The following CDKL5 variants were observed in gnomAD, a reference collection of about 807,000 sequenced individuals.
CDKL5 encodes the protein cyclin-dependent kinase-like 5.
In CDKL5, 8 loss-of-function variants were observed where a neutral mutation model predicts 61.7. That is an observed-to-expected ratio of 0.13 (90% CI 0.08 to 0.23). The LOEUF is 0.23. Ranked by LOEUF, CDKL5 falls within the 10% of genes least tolerant of loss-of-function variation. CDKL5 has a pLI of 1.00. For synonymous variants in CDKL5, 275 were observed against 272.3 expected (o/e 1.01, Z -0.10); for missense variants, 440 against 734.5 (o/e 0.60, Z 4.63).
In CDKL5 at chrX:18,628,718, A is replaced by G; in HGVS notation, c.2844A>G (p.Arg948=). The G allele has an allele frequency of 8.6e-7, 1 of 1,164,651 alleles. No individual in the cohort carries two copies. Among genetic ancestry groups the G allele is most frequent in the Non-Finnish European group, 1.1e-6 (1 of 874,701 alleles). Residue 948 remains arginine (R), a synonymous_variant, in exon 18 of 18, where the codon CGA becomes CGG. Transcript: ENST00000623535. ...CCTATAACAGAACAAATCGCTCACG[A>G]ATGCCAAATCTGAATGATTTAAAAG... ...GHPYNRTNRS[R]MPNLNDLKET...
chrX:18,546,046 A>G (rs541009927), intron 3 of CDKL5, among the ~76,000 whole-genome samples: 2 of 110,780 alleles, frequency 1.8e-5, no homozygotes, highest in South Asian at 3.8e-4. Context: ...ATCAGTGATT[A>G]CAGAGTGACC....
chrX:18,608,288 T>A (rs1000280093), intron 12 of CDKL5, among the ~76,000 whole-genome samples: 4 of 112,186 alleles, frequency 3.6e-5, no homozygotes, highest in African/African-American at 9.7e-5. Flanking sequence ...TAAACTATAG[T>A]AGTTAAGAGG....
At chrX:18,550,319 T>G (rs1277880961) in intron 3 of CDKL5, among the ~76,000 whole-genome samples, 1 of 111,067 alleles carries the variant, frequency 9.0e-6, no homozygotes, top group Non-Finnish European at 1.9e-5. Context: ...CTTACTACGG[T>G]GAAGTTCTGT....
In CDKL5 at chrX:18,497,961, G is replaced by A. The variant is rs763266587; in HGVS notation, c.-162-8974G>A. ...GCCTCCCAAGTAGCTGGGACTAGAG[G>A]TGTTCGCCACCAACGCCCAGCTAAT... On this transcript the variant is annotated intron_variant, in intron 1 of 17. Coordinates refer to ENST00000623535, the MANE Select transcript of CDKL5 (RefSeq NM_001323289.2). Among the ~76,000 whole-genome samples the A allele has an allele frequency of 2.2e-4, 24 of 107,627 alleles. 1 individual carries two copies. The East Asian group carries it at 7.1e-3, about 32-fold the overall frequency. 93.5% of individuals were successfully genotyped at this position (107,627 alleles called of 115,157 possible). A position where few individuals can be genotyped will look rare whatever the true frequency, so the allele number is the denominator to read the frequency against.
At chrX:18,445,721 G>A (rs746605657) in intron 1 of CDKL5, among the ~76,000 whole-genome samples, 1 of 111,510 alleles carries the variant, frequency 9.0e-6, no homozygotes, top group South Asian at 3.8e-4. Flanking sequence ...CTGCTGCCTT[G>A]TGGAGAAGGT....
intron 1 of CDKL5, among the ~76,000 whole-genome samples, chrX:18,487,776 C>G (rs1015448242): frequency 1.8e-5 from 2 of 112,117 alleles, no homozygotes; most frequent in Admixed American, 9.4e-5. Context: ...ATTAGCTGGG[C>G]GTGATGGCGT....
chrX:18,455,608 G>A (rs1269225372), intron 1 of CDKL5, among the ~76,000 whole-genome samples: 1 of 112,846 alleles, frequency 8.9e-6, no homozygotes, highest in Non-Finnish European at 1.9e-5. Context: ...CCTGCTGGAG[G>A]CCAGTATGGC....
intron 21 of CDKL5, among the ~76,000 whole-genome samples, chrX:18,651,637 G>A (rs750336527): frequency 1.3e-3 from 140 of 111,338 alleles, no homozygotes; most frequent in South Asian, 2.3e-3. Context: ...GCCTGCCCTC[G>A]CAAGCTCGTG....
At chrX:18,551,713 G>T (rs1924397012) in intron 3 of CDKL5, among the ~76,000 whole-genome samples, 1 of 106,532 alleles carries the variant, frequency 9.4e-6, no homozygotes. Context: ...AGCCTCCCAG[G>T]TAGCTGGGAC....
At chrX:18,641,677 C>G (rs1569228432), downstream of CDKL5, 1 of 273,467 alleles carries the variant, frequency 3.7e-6, no homozygotes, top group Non-Finnish European at 6.5e-6. Flanking sequence ...GCTTTGTGTT[C>G]CCCTGAGACT....
intron 9 of CDKL5, 98 bp downstream of exon 9, chrX:18,588,241 ATTTC>A (rs752062491): frequency 4.3e-5 from 29 of 678,334 alleles, no homozygotes; most frequent in Non-Finnish European, 6.7e-5. Context: ...TTTGAATACT[ATTTC>A]TTTTCCCATT....
At chrX:18,578,455 T>A (rs1384301513) in intron 5 of CDKL5, among the ~76,000 whole-genome samples, 2 of 112,221 alleles carry the variant, frequency 1.8e-5, no homozygotes, top group Non-Finnish European at 3.8e-5. Flanking sequence ...ATTTTCTGAC[T>A]GGTCTTATGG....
At chrX:18,440,279 A>G (rs1052918267) in intron 1 of CDKL5, among the ~76,000 whole-genome samples, 2 of 112,076 alleles carry the variant, frequency 1.8e-5, no homozygotes, top group Non-Finnish European at 3.8e-5. Context: ...TGTTTAAGGC[A>G]TCTTTACCAG....
At chrX:18,622,862 A>G (rs1926930981) in intron 16 of CDKL5, among the ~76,000 whole-genome samples, 1 of 111,955 alleles carries the variant, frequency 8.9e-6, no homozygotes, top group Admixed American at 9.5e-5. Context: ...CTCTTCAGCG[A>G]TGCAAGTTAA....
At chrX:18,432,593 T>G (rs1486687565) in intron 1 of CDKL5, among the ~76,000 whole-genome samples, 1 of 107,965 alleles carries the variant, frequency 9.3e-6, no homozygotes, top group Non-Finnish European at 1.9e-5. Flanking sequence ...ATGTAGATCT[T>G]AAAAGATGTC....
rs751601918 is a variant in CDKL5, at chrX:18,555,330, A to AT, written c.100-9139dup. Among the ~76,000 whole-genome samples, 6 of 111,560 alleles carry AT rather than the reference A, an allele frequency of 5.4e-5. No individual in the cohort carries two copies. In the East Asian group the frequency reaches 8.4e-4, roughly 16 times the overall value. On this transcript the variant is annotated intron_variant, in intron 3 of 17. Transcript: ENST00000623535. ...GTTTTTAATGTCAGATACAGATTGT[A>AT]TTTTTTTTAAGTGTTTGAAAAAAGA...
At chrX:18,560,813 AT>A (rs1393721353) in intron 3 of CDKL5, among the ~76,000 whole-genome samples, 1 of 110,906 alleles carries the variant, frequency 9.0e-6, no homozygotes, top group Non-Finnish European at 1.9e-5. Flanking sequence ...CTCTAAATAT[AT>A]TCCAAATAAT....
At chrX:18,567,739 G>A (rs1925014721) in intron 4 of CDKL5, among the ~76,000 whole-genome samples, 1 of 111,459 alleles carries the variant, frequency 9.0e-6, no homozygotes, top group South Asian at 3.8e-4. Flanking sequence ...AAAAAAATTA[G>A]CCAGGCATGG....
chrX:18,453,531 T>A (rs1036272876), intron 1 of CDKL5, among the ~76,000 whole-genome samples: 2 of 111,949 alleles, frequency 1.8e-5, no homozygotes, highest in African/African-American at 6.5e-5. Context: ...TGTATGTACT[T>A]CCTGGTTTCA....
Sources: gnomAD v4.1 joint callset for allele counts (sites outside exome capture counted in the v4.1 genomes callset) on GRCh38, gnomAD v4.1.1 for gene constraint, MANE v1.5 for transcripts, NCBI Gene and HGNC (gene_info 2026-07-23, HGNC 2026-07-21) for gene names.